CDH19: variants seen among roughly 807,000 people sequenced by gnomAD.
CDH19 encodes cadherin-19.
In CDH19, 67 loss-of-function variants were observed where a neutral mutation model predicts 64.2. The ratio of observed to expected loss-of-function variants is 1.04; its 90% CI spans 0.86 to 1.28. The LOEUF (loss-of-function observed/expected upper bound fraction) is 1.28, where lower values mean the gene tolerates loss of function less well. Among genes scored for constraint, CDH19 ranks in the 50% most tolerant of loss-of-function variants. CDH19 has a pLI of 0.00. For missense variants in CDH19, 1,030 were observed against 929.0 expected, an observed-to-expected ratio of 1.11 and a Z score of -1.41; for synonymous variants, 346 against 319.3, an observed-to-expected ratio of 1.08 and a Z score of -0.89.
intron 3 of CDH19, among the ~76,000 whole-genome samples, chr18:66,562,187 A>C (rs1369618271): frequency 1.3e-5 from 2 of 151,848 alleles, no homozygotes; most frequent in Non-Finnish European, 2.9e-5. Flanking sequence ...GTTATTGTGC[A>C]CTTTATTTCT....
At chr18:66,508,935 C>G in intron 11 of CDH19, 60 bp downstream of exon 11, 1 of 1,549,182 alleles carries the variant, frequency 6.5e-7, no homozygotes, top group Non-Finnish European at 8.8e-7. Context: ...TTCAGTTCAG[C>G]ACCACCTACC....
chr18:66,541,347 A>T (rs1986878640), intron 7 of CDH19, among the ~76,000 whole-genome samples: 1 of 151,932 alleles, frequency 6.6e-6, no homozygotes, highest in South Asian at 2.1e-4. Context: ...ATATCCTAAT[A>T]TTTTTTCTGG....
At chr18:66,510,105 T>C (rs1985399463) in intron 10 of CDH19, among the ~76,000 whole-genome samples, 1 of 151,716 alleles carries the variant, frequency 6.6e-6, no homozygotes, top group Non-Finnish European at 1.5e-5. Flanking sequence ...TTTTTTACCA[T>C]CCCTCAAAAT....
intron 10 of CDH19, 133 bp downstream of exon 10, chr18:66,511,435 G>T (rs1279718658): frequency 5.6e-6 from 3 of 540,230 alleles, no homozygotes; most frequent in Non-Finnish European, 1.0e-5. Context: ...CATTTTAATT[G>T]TTACTCTTTT....
At chr18:66,584,433 T>C (rs953004913) in intron 1 of CDH19, among the ~76,000 whole-genome samples, 3 of 152,060 alleles carry the variant, frequency 2.0e-5, no homozygotes, top group African/African-American at 7.2e-5. Flanking sequence ...TATGTCATCA[T>C]TGTGGAAAGC....
At chr18:66,603,224 ATAAT>A (rs1320563622) in intron 1 of CDH19, among the ~76,000 whole-genome samples, 3 of 150,666 alleles carry the variant, frequency 2.0e-5, no homozygotes, top group African/African-American at 7.3e-5. Flanking sequence ...ATATTTTATT[ATAAT>A]TAGTTATTCA....
At chr18:66,595,697 T>C (rs1369067908) in intron 1 of CDH19, among the ~76,000 whole-genome samples, 1 of 151,970 alleles carries the variant, frequency 6.6e-6, no homozygotes, top group Non-Finnish European at 1.5e-5. Flanking sequence ...AGGAAAAGCC[T>C]TGGACTAGAC....
At chr18:66,508,870 C>T (rs776337568) in intron 11 of CDH19, 125 bp downstream of exon 11, 12 of 1,009,844 alleles carry the variant, frequency 1.2e-5, no homozygotes, top group Admixed American at 2.5e-5. Context: ...CATTATAATG[C>T]TATAATAGAA....
chr18:66,544,312 T>A, intron 6 of CDH19, 88 bp from the exon 7 acceptor site: 1 of 1,245,794 alleles, frequency 8.0e-7, no homozygotes, highest in Non-Finnish European at 1.1e-6. Context: ...TTAAATTAAG[T>A]CTCAGTGGCC....
intron 8 of CDH19, 32 bp from the exon 9 acceptor site, chr18:66,529,998 A>T: frequency 1.8e-6 from 2 of 1,128,440 alleles, no homozygotes; most frequent in Non-Finnish European, 2.4e-6. Context: ...TAAAAATCTA[A>T]CATATTTTAA....
chr18:66,592,343 A>G (rs182112549), intron 1 of CDH19, among the ~76,000 whole-genome samples: 1 of 151,994 alleles, frequency 6.6e-6, no homozygotes, highest in African/African-American at 2.4e-5. Context: ...GGTAATTAGG[A>G]CAACAATCAC....
chr18:66,601,732 T>C (rs1391170130), intron 1 of CDH19, among the ~76,000 whole-genome samples: 1 of 151,994 alleles, frequency 6.6e-6, no homozygotes, highest in South Asian at 2.1e-4. Flanking sequence ...GCAGGCATCA[T>C]TTGAAAAGGA....
chr18:66,548,304 G>A (rs1568191862), intron 5 of CDH19, among the ~76,000 whole-genome samples: 1 of 149,324 alleles, frequency 6.7e-6, no homozygotes, highest in South Asian at 2.1e-4. Flanking sequence ...TGAGTAGACA[G>A]ATTTACTTTT....
chr18:66,518,448 G>A (rs1049401463), intron 9 of CDH19, among the ~76,000 whole-genome samples: 7 of 151,948 alleles, frequency 4.6e-5, no homozygotes, highest in South Asian at 2.1e-4. Context: ...TGGCCAGGCT[G>A]GTCTCGAACT....
intron 9 of CDH19, among the ~76,000 whole-genome samples, chr18:66,512,208 T>C (rs1468961694): frequency 6.6e-6 from 1 of 151,598 alleles, no homozygotes; most frequent in Non-Finnish European, 1.5e-5. Flanking sequence ...ATGATTTCCT[T>C]TGACCCATAA....
chr18:66,572,071 C>T lies in CDH19; in HGVS notation c.134G>A (p.Trp45Ter). The T allele has an allele frequency of 6.2e-7, 1 of 1,611,522 alleles. No homozygotes were observed. The highest frequency in any genetic ancestry group is 8.5e-7 in the Non-Finnish European group (1 of 1,178,402). Reference sequence around the variant, plus strand: ...TGGTACAAAAAATTGGTTCCACACCCAGCCACGCTTCACTCTCAAATGAGA... The same window carrying T: ...TGGTACAAAAAATTGGTTCCACACCTAGCCACGCTTCACTCTCAAATGAGA... ...VRSHLRVKRG[W>*]VWNQFFVPEE... Residue 45 changes from tryptophan to a stop codon, truncating the protein, a stop_gained, in exon 2 of 12, where the codon TGG (tryptophan) becomes TAG (stop). Transcript: ENST00000262150. LOFTEE classifies it high-confidence loss of function.
chr18:66,554,611 A>C (rs563962733), intron 3 of CDH19, 87 bp from the exon 4 acceptor site: 2 of 1,051,668 alleles, frequency 1.9e-6, no homozygotes, highest in East Asian at 5.4e-5. Flanking sequence ...TTTACCAAGC[A>C]AGATGTTGTT....
In CDH19 at chr18:66,511,448, T is replaced by C. The variant is rs1598967149; in HGVS notation, c.1576+120A>G. On this transcript the variant is annotated intron_variant, in intron 10 of 11. Coordinates refer to ENST00000262150, the MANE Select transcript of CDH19 (RefSeq NM_021153.4). ...TCCATTTTAATTGTTACTCTTTTGC[T>C]TGATTTCCAAACATTATTATGTTGC... 3 of 562,436 alleles carry C rather than the reference T, an allele frequency of 5.3e-6. No individual in the cohort carries two copies. In the East Asian group the frequency reaches 9.1e-5, roughly 17 times the overall value. The allele number at this position is 562,436 out of a possible 1,614,324, so 34.8% of individuals were successfully genotyped here.
At chr18:66,527,735 C>T (rs950167709) in intron 9 of CDH19, among the ~76,000 whole-genome samples, 4 of 148,814 alleles carry the variant, frequency 2.7e-5, no homozygotes, top group African/African-American at 4.9e-5. Flanking sequence ...GCCTGGGCAA[C>T]GAGAGCAAAG....
Sources: allele counts gnomAD v4.1 joint callset (sites outside exome capture counted in the v4.1 genomes callset), GRCh38; gene constraint gnomAD v4.1.1; transcripts MANE v1.5; gene names NCBI Gene and HGNC (gene_info 2026-07-23, HGNC 2026-07-21).